Variants in CGNL1 observed in about 807,000 individuals in gnomAD.
CGNL1 encodes cingulin like 1.
In CGNL1, 132 loss-of-function variants were observed where a neutral mutation model predicts 141.2. The observed-to-expected ratio is 0.93, with a 90% CI of 0.81 to 1.08. The LOEUF is 1.08. Among genes scored for constraint, CGNL1 ranks in the 50% least tolerant of loss-of-function variants. The pLI is 0.00. For synonymous variants in CGNL1, 690 were observed against 622.1 expected (o/e 1.11, Z -1.63); for missense variants, 1,870 against 1,588.6 (o/e 1.18, Z -3.01).
At chr15:57,531,897 G>T in intron 14 of CGNL1, 118 bp downstream of exon 14, 1 of 661,712 alleles carries the variant, frequency 1.5e-6, no homozygotes, top group Non-Finnish European at 2.7e-6. Context: ...TCTAGAAATT[G>T]ATGGAAGATT....
intron 8 of CGNL1, among the ~76,000 whole-genome samples, chr15:57,480,846 G>A (rs1339209682): frequency 1.3e-5 from 2 of 152,110 alleles, no homozygotes; most frequent in Admixed American, 6.5e-5. Context: ...CAGTGGATCT[G>A]GAACCTTCTT....
At chr15:57,408,678 G>A (rs2062750637) in intron 1 of CGNL1, among the ~76,000 whole-genome samples, 1 of 152,014 alleles carries the variant, frequency 6.6e-6, no homozygotes, top group African/African-American at 2.4e-5. Flanking sequence ...GCTCATTAGT[G>A]TCCTTTTCTG....
At chr15:57,422,368 G>A (rs1057192176) in intron 1 of CGNL1, among the ~76,000 whole-genome samples, 2 of 148,308 alleles carry the variant, frequency 1.3e-5, no homozygotes, top group African/African-American at 5.0e-5. Flanking sequence ...TGTGACTCAA[G>A]GCTCCCATGG....
intron 1 of CGNL1, among the ~76,000 whole-genome samples, chr15:57,390,046 C>T (rs1263612038): frequency 2.6e-5 from 4 of 152,200 alleles, no homozygotes; most frequent in Non-Finnish European, 5.9e-5. Context: ...GAACTCCTGA[C>T]CTTGGGTGAT....
rs766100017 is a variant in CGNL1, at chr15:57,438,964, A to G, written c.965A>G (p.His322Arg). ...CTGGATGATCAGGAATGTGCCATCC[A>G]TGCCGACAACGTCAATCGTCATGAA... The part of the protein sequence containing the change: ...FLLDDQECAI[H>R]ADNVNRHENR... The change falls in exon 2 of 19, where the codon CAT becomes CGT. Residue 322 changes from histidine (H) to arginine (R), a missense_variant. Physicochemically the swap from His to Arg is conservative, Grantham distance 29. Transcript: ENST00000281282. The G allele has an allele frequency of 4.3e-6, 7 of 1,614,126 alleles. No individual in the cohort carries two copies. The Admixed American group carries it at 6.7e-5, about 15-fold the overall frequency.
chr15:57,399,174 C>T (rs997981451), intron 1 of CGNL1, among the ~76,000 whole-genome samples: 1 of 152,166 alleles, frequency 6.6e-6, no homozygotes, highest in Non-Finnish European at 1.5e-5. Context: ...TTCATCACCT[C>T]AAACATTTGT....
At chr15:57,454,265 G>A (rs2063354106) in intron 7 of CGNL1, among the ~76,000 whole-genome samples, 1 of 152,062 alleles carries the variant, frequency 6.6e-6, no homozygotes, top group Non-Finnish European at 1.5e-5. Context: ...GTGGTTTGTA[G>A]GAATAGCCCA....
At position 57,438,130 on chromosome 15, in the gene CGNL1, T is replaced by C; in HGVS notation, c.131T>C (p.Ile44Thr). 6.2e-7 allele frequency: 1 copy of C among 1,614,182 alleles called. No homozygotes were observed. The highest frequency in any genetic ancestry group is 8.5e-7 in the Non-Finnish European group (1 of 1,180,036). Residue 44 changes from isoleucine (I) to threonine (T), a missense_variant, in exon 2 of 19, where the codon ATT becomes ACT. Coordinates refer to ENST00000281282, the MANE Select transcript of CGNL1 (RefSeq NM_032866.5). ...AAGGCAGGCTCCTACGGTGTCAGTA[T>C]TCGGGTCCAGGGAATTGATGGTCAC... ...NSKAGSYGVS[I>T]RVQGIDGHPY... is the part of the protein sequence containing the mutation.
chr15:57,468,607 AAG>A (rs1241248401), intron 8 of CGNL1, among the ~76,000 whole-genome samples: 2 of 151,682 alleles, frequency 1.3e-5, no homozygotes, highest in African/African-American at 2.4e-5. Flanking sequence ...AATAAACAAA[AAG>A]AGTTAAAATA....
At chr15:57,448,169 G>T (rs1168345047) in intron 4 of CGNL1, among the ~76,000 whole-genome samples, 3 of 152,090 alleles carry the variant, frequency 2.0e-5, no homozygotes, top group Admixed American at 1.3e-4. Flanking sequence ...AAATTGCCAG[G>T]CATGGTGGCT....
Position 57,442,458 on chromosome 15 carries a change from A to T in CGNL1, c.1783A>T (p.Ser595Cys). 1 of 1,612,006 alleles carries T rather than the reference A, an allele frequency of 6.2e-7. No homozygotes were observed. Among genetic ancestry groups the T allele is most frequent in the Non-Finnish European group, 8.5e-7 (1 of 1,178,220 alleles). ...GACCTTAAAGTCTCGAGCAGCTGGGAGCGCCCAAGGAAATAACCAAGTAAA... is the reference window on the plus strand; with the variant it reads ...GACCTTAAAGTCTCGAGCAGCTGGGTGCGCCCAAGGAAATAACCAAGTAAA... ...IQTLKSRAAG[S>C]AQGNNQACNS... Residue 595 changes from serine to cysteine, a missense_variant, in exon 4 of 19, where the codon AGC (serine) becomes TGC (cysteine). Transcript: ENST00000281282.
intron 8 of CGNL1, among the ~76,000 whole-genome samples, chr15:57,481,920 C>A (rs2063731358): frequency 6.6e-6 from 1 of 152,144 alleles, no homozygotes. Context: ...TTGTTCCCAG[C>A]ATTTGGCATT....
At chr15:57,461,656 T>G (rs749001562) in intron 7 of CGNL1, 24 bp from the exon 8 acceptor site, 11 of 1,600,286 alleles carry the variant, frequency 6.9e-6, no homozygotes, top group Non-Finnish European at 9.4e-6. Context: ...TGTCACCTTC[T>G]CCCTTCGTGT....
At chr15:57,394,031 C>CTAT (rs1457003320) in intron 1 of CGNL1, 4 of 150,028 alleles carry the variant, frequency 2.7e-5, no homozygotes, top group Non-Finnish European at 5.9e-5. Context: ...TAGGCTCAAG[C>CTAT]CATCCTCCCA....
In CGNL1 at chr15:57,542,160, G is replaced by A. The variant is rs549678952; in HGVS notation, c.3292-1536G>A. Among the ~76,000 whole-genome samples, 46 of 152,344 alleles carry A rather than the reference G, an allele frequency of 3.0e-4. 1 individual carries two copies. The highest frequency in any genetic ancestry group is 1.1e-3 in the African/African-American group (44 of 41,576). Reference sequence around the variant, plus strand: ...GCTCTCCATGGGGGACAGTGAGGAAGGGGTGAGCTTATCTTTTACTCACTG... The same window carrying A: ...GCTCTCCATGGGGGACAGTGAGGAAAGGGTGAGCTTATCTTTTACTCACTG... On this transcript the variant is annotated intron_variant, in intron 14 of 18. Transcript: ENST00000281282.
intron 8 of CGNL1, among the ~76,000 whole-genome samples, chr15:57,486,960 C>T (rs1372348587): frequency 6.6e-6 from 1 of 152,144 alleles, no homozygotes; most frequent in Non-Finnish European, 1.5e-5. Context: ...TAGACCTGGC[C>T]CTACCAGCCA....
intron 1 of CGNL1, among the ~76,000 whole-genome samples, chr15:57,433,368 C>T (rs2063067625): frequency 6.6e-6 from 1 of 152,274 alleles, no homozygotes; most frequent in African/African-American, 2.4e-5. Context: ...TTTCAAAATT[C>T]CACTCAAATG....
At chr15:57,500,841 G>A (rs1343937347) in intron 8 of CGNL1, among the ~76,000 whole-genome samples, 1 of 152,134 alleles carries the variant, frequency 6.6e-6, no homozygotes, top group Non-Finnish European at 1.5e-5. Flanking sequence ...AACAGAGGGC[G>A]CTAACATTTT....
chr15:57,497,061 C>T (rs1341340832), intron 8 of CGNL1, among the ~76,000 whole-genome samples: 31 of 152,182 alleles, frequency 2.0e-4, no homozygotes, highest in South Asian at 6.2e-4. Flanking sequence ...GGGAGTCTGA[C>T]GCCCCCGAGG....
Sources: gnomAD v4.1 joint callset for allele counts (sites outside exome capture counted in the v4.1 genomes callset) on GRCh38, gnomAD v4.1.1 for gene constraint, MANE v1.5 for transcripts, NCBI Gene and HGNC (gene_info 2026-07-23, HGNC 2026-07-21) for gene names.